Variants in PKP4 observed in about 807,000 individuals in gnomAD.
PKP4 encodes the protein plakophilin 4.
Under a neutral mutation model 145.1 loss-of-function variants are expected in PKP4, and 90 were observed. The observed-to-expected ratio is 0.62, with a 90% CI of 0.52 to 0.74. PKP4 has a LOEUF of 0.74. Ranked by LOEUF, PKP4 falls within the 30% of genes least tolerant of loss-of-function variation. PKP4 has a pLI of 0.00. For synonymous variants in PKP4, 563 were observed against 577.2 expected (o/e 0.98, Z 0.35); for missense variants, 1,340 against 1,482.7 (o/e 0.90, Z 1.58).
At chr2:158,497,988 G>A (rs2105485017) in intron 1 of PKP4, among the ~76,000 whole-genome samples, 1 of 152,252 alleles carries the variant, frequency 6.6e-6, no homozygotes, top group African/African-American at 2.4e-5. Flanking sequence ...TAGATATGGA[G>A]TGTGGTAGAA....
rs138946252 is a variant in PKP4 at position 158,551,706 on chromosome 2, T to G, written c.132+18390T>G. ...CTAATTTACCAGTACTTATTCTACT[T>G]AGCTGTACCATCAACCTCATTTTTA... On this transcript the variant is annotated intron_variant, in intron 2 of 21. Coordinates refer to ENST00000389759, the MANE Select transcript of PKP4 (RefSeq NM_003628.6). Among the ~76,000 whole-genome samples the G allele has an allele frequency of 6.7e-3, 1,018 of 152,364 alleles. 6 individuals carry two copies. Among genetic ancestry groups the G allele is most frequent in the Middle Eastern group, 0.017 (5 of 294 alleles).
chr2:158,500,460 A>G (rs1453617044), intron 1 of PKP4, among the ~76,000 whole-genome samples: 3 of 152,268 alleles, frequency 2.0e-5, no homozygotes, highest in Admixed American at 6.5e-5. Context: ...TAAAGAAAAG[A>G]CACAAAGCCT....
At chr2:158,661,109 G>C (rs1391121641) in intron 12 of PKP4, 4 of 424,732 alleles carry the variant, frequency 9.4e-6, no homozygotes, top group Non-Finnish European at 1.8e-5. Flanking sequence ...CACGTCATGA[G>C]AGAGATACAG....
chr2:158,628,079 C>T (rs1028741557), intron 7 of PKP4, among the ~76,000 whole-genome samples: 16 of 151,884 alleles, frequency 1.1e-4, no homozygotes, highest in African/African-American at 3.9e-4. Flanking sequence ...CTCCCGGGTT[C>T]AAGCGATTCT....
At position 158,594,200 on chromosome 2, in the gene PKP4, G is replaced by C. The variant is rs185382273; in HGVS notation, c.246-8870G>C. Among the ~76,000 whole-genome samples, 8 of 152,260 alleles carry C rather than the reference G, an allele frequency of 5.3e-5. No individual in the cohort carries two copies. In the East Asian group the frequency reaches 1.5e-3, roughly 29 times the overall value. ...TTGACGCAGAGCCTCACTGGTGGAA[G>C]GCAACTCAAGCCTCATGTCCTGTTG... On this transcript the variant is annotated intron_variant, in intron 3 of 21. Transcript: ENST00000389759.
chr2:158,483,927 CT>C (rs1253135105), intron 1 of PKP4, among the ~76,000 whole-genome samples: 1 of 151,992 alleles, frequency 6.6e-6, no homozygotes, highest in African/African-American at 2.4e-5. Context: ...GTTGATTTTC[CT>C]TTTTTCATCT....
intron 1 of PKP4, among the ~76,000 whole-genome samples, chr2:158,496,759 C>CAT (rs1695774817): frequency 7.6e-5 from 11 of 144,958 alleles, no homozygotes; most frequent in Non-Finnish European, 1.5e-4. Context: ...CTTCTCTCTC[C>CAT]GTGTGTGTGT....
intron 7 of PKP4, among the ~76,000 whole-genome samples, chr2:158,629,392 G>A (rs10200990): frequency 0.099 from 15,043 of 152,158 alleles, 835 homozygotes; most frequent in Middle Eastern, 0.16. Context: ...TAATGGGGGC[G>A]AATCACATTT....
intron 12 of PKP4, chr2:158,660,052 A>T (rs2056400703): frequency 6.6e-6 from 1 of 152,602 alleles, no homozygotes; most frequent in Admixed American, 6.5e-5. Flanking sequence ...TTGCTAATAG[A>T]TCGAATATTA....
chr2:158,610,324 ATC>A (rs2051028033), intron 4 of PKP4, among the ~76,000 whole-genome samples: 1 of 152,166 alleles, frequency 6.6e-6, no homozygotes, highest in Admixed American at 6.5e-5. Context: ...GAAATATACA[ATC>A]TCTGTGTGCC....
At chr2:158,597,757 TATATTC>T (rs2049883085) in intron 3 of PKP4, among the ~76,000 whole-genome samples, 1 of 152,250 alleles carries the variant, frequency 6.6e-6, no homozygotes, top group African/African-American at 2.4e-5. Context: ...ATTAATGAGT[TATATTC>T]ATATATAAAT....
intron 7 of PKP4, among the ~76,000 whole-genome samples, chr2:158,626,050 G>T (rs2052754704): frequency 6.6e-6 from 1 of 152,188 alleles, no homozygotes; most frequent in Middle Eastern, 3.4e-3. Context: ...ATGGTGTAAA[G>T]ATTTGGTTAT....
At chr2:158,652,817 C>T (rs1249421027) in intron 11 of PKP4, among the ~76,000 whole-genome samples, 2 of 152,174 alleles carry the variant, frequency 1.3e-5, no homozygotes, top group African/African-American at 4.8e-5. Flanking sequence ...CTGGTCATGA[C>T]ACTTGCTTTG....
intron 1 of PKP4, among the ~76,000 whole-genome samples, chr2:158,522,500 CA>C (rs942210186): frequency 5.9e-5 from 9 of 152,072 alleles, no homozygotes; most frequent in African/African-American, 2.2e-4. Context: ...TCTTTGTGTT[CA>C]ATAAAGATTG....
At chr2:158,564,789 C>T (rs557370077) in intron 2 of PKP4, among the ~76,000 whole-genome samples, 1 of 152,254 alleles carries the variant, frequency 6.6e-6, no homozygotes, top group East Asian at 1.9e-4. Context: ...GGTAATCTAG[C>T]TTTGTTTTCT....
In PKP4 at chr2:158,669,750, G is replaced by A; in HGVS notation, c.2759G>A (p.Arg920Gln). 5 of 1,600,950 alleles carry A rather than the reference G, an allele frequency of 3.1e-6. No individual in the cohort carries two copies. Among genetic ancestry groups the A allele is most frequent in the Non-Finnish European group, 4.3e-6 (5 of 1,171,194 alleles). ...TACGCCATGCGAGACCTGGTCAACC[G>A]GCTCCCCGGCGGCAATGGCCCCAGT... ...GKYAMRDLVNRLPGGNGPSVL... is the reference protein window; with the variant it reads ...GKYAMRDLVNQLPGGNGPSVL... Residue 920 changes from arginine (R) to glutamine (Q), a missense_variant, in exon 17 of 22, where the codon CGG becomes CAG. Coordinates refer to ENST00000389759, the MANE Select transcript of PKP4 (RefSeq NM_003628.6).
chr2:158,647,979 T>C (rs1219338773), intron 11 of PKP4, among the ~76,000 whole-genome samples: 1 of 152,234 alleles, frequency 6.6e-6, no homozygotes, highest in African/African-American at 2.4e-5. Context: ...TTTCAAGTTA[T>C]TGAGCCTCCT....
At chr2:158,675,203 T>A (rs1299013733) in intron 19 of PKP4, among the ~76,000 whole-genome samples, 1 of 152,222 alleles carries the variant, frequency 6.6e-6, no homozygotes, top group African/African-American at 2.4e-5. Context: ...AGGATAATTT[T>A]AGATTAGTAC....
intron 17 of PKP4, among the ~76,000 whole-genome samples, chr2:158,671,337 T>G (rs1028279938): frequency 2.0e-5 from 3 of 151,842 alleles, no homozygotes; most frequent in Non-Finnish European, 4.4e-5. Context: ...TTTTTTTAAA[T>G]GTATTTTTTT....
Sources: allele counts gnomAD v4.1 joint callset (sites outside exome capture counted in the v4.1 genomes callset), GRCh38; gene constraint gnomAD v4.1.1; transcripts MANE v1.5; gene names NCBI Gene and HGNC (gene_info 2026-07-23, HGNC 2026-07-21).